Variants in KYAT3 observed in about 807,000 individuals in gnomAD.
KYAT3 encodes the protein kynurenine aminotransferase 3.
In KYAT3, 50 loss-of-function variants were observed where a neutral mutation model predicts 59.0. The observed-to-expected ratio is 0.85, with a 90% CI of 0.68 to 1.07. The LOEUF (loss-of-function observed/expected upper bound fraction) is 1.07. Among genes scored for constraint, KYAT3 ranks in the 50% least tolerant of loss-of-function variants. KYAT3 has a pLI of 0.00. For missense variants in KYAT3, 497 were observed against 533.3 expected, an observed-to-expected ratio of 0.93 and a Z score of 0.67; for synonymous variants, 148 against 177.0, an observed-to-expected ratio of 0.84 and a Z score of 1.30.
At chr1:88,941,939 T>C (rs1460280481) in intron 13 of KYAT3, among the ~76,000 whole-genome samples, 2 of 152,248 alleles carry the variant, frequency 1.3e-5, no homozygotes, top group Non-Finnish European at 2.9e-5. Flanking sequence ...TTGTATTTCA[T>C]TGACCTTTTT....
At chr1:88,947,740 A>T (rs760036175) in intron 11 of KYAT3, among the ~76,000 whole-genome samples, 10 of 152,294 alleles carry the variant, frequency 6.6e-5, no homozygotes, top group East Asian at 1.9e-4. Flanking sequence ...CTTTTCTGAA[A>T]TTTGCTAAGA....
At chr1:88,935,566 T>C (rs1675003774), downstream of KYAT3, among the ~76,000 whole-genome samples, 1 of 152,118 alleles carries the variant, frequency 6.6e-6, no homozygotes, top group Non-Finnish European at 1.5e-5. Context: ...GGTGAGGATG[T>C]CAAAGTATGG....
At chr1:88,954,785 A>T (rs748088045) in intron 9 of KYAT3, among the ~76,000 whole-genome samples, 1 of 152,168 alleles carries the variant, frequency 6.6e-6, no homozygotes, top group African/African-American at 2.4e-5. Flanking sequence ...TTATTTCATT[A>T]TTTTTTTAAA....
chr1:88,949,672 G>A (rs1458704884), intron 10 of KYAT3, among the ~76,000 whole-genome samples: 1 of 152,222 alleles, frequency 6.6e-6, no homozygotes, highest in Non-Finnish European at 1.5e-5. Flanking sequence ...TGGGGACAGA[G>A]TGGAAATGAA....
At chr1:88,986,618 A>G (rs746842814) in intron 2 of KYAT3, among the ~76,000 whole-genome samples, 7 of 152,094 alleles carry the variant, frequency 4.6e-5, no homozygotes, top group Non-Finnish European at 1.5e-5. Context: ...CATTCAAAAC[A>G]TTCTTTAAAA....
downstream of KYAT3, among the ~76,000 whole-genome samples, chr1:88,931,788 G>A (rs926161228): frequency 2.1e-5 from 3 of 144,790 alleles, no homozygotes; most frequent in South Asian, 2.2e-4. Context: ...GACAATGATC[G>A]GGATGTAAAC....
intron 8 of KYAT3, among the ~76,000 whole-genome samples, chr1:88,958,762 G>T (rs6428488): frequency 2.0e-5 from 3 of 152,144 alleles, no homozygotes; most frequent in Non-Finnish European, 2.9e-5. Context: ...CTAATTGTTG[G>T]ATTTCTTTTA....
At chr1:88,930,550 G>T in the KYAT3 span, among the ~76,000 whole-genome samples, 1 of 152,150 alleles carries the variant, frequency 6.6e-6, no homozygotes, top group African/African-American at 2.4e-5. Flanking sequence ...GAAAAGCAGG[G>T]TATGCAGTGG....
At chr1:88,966,564 G>C (rs758258628) in intron 4 of KYAT3, among the ~76,000 whole-genome samples, 1 of 151,886 alleles carries the variant, frequency 6.6e-6, no homozygotes, top group Non-Finnish European at 1.5e-5. Context: ...TTTGTATATT[G>C]GCTTTGTGTC....
chr1:88,954,559 A>G (rs1675824238), intron 9 of KYAT3, among the ~76,000 whole-genome samples: 1 of 152,212 alleles, frequency 6.6e-6, no homozygotes, highest in Non-Finnish European at 1.5e-5. Flanking sequence ...CAGCAATCTG[A>G]ACACTTTTTT....
At chr1:88,928,789 G>A in the KYAT3 span, among the ~76,000 whole-genome samples, 1 of 152,046 alleles carries the variant, frequency 6.6e-6, no homozygotes, top group African/African-American at 2.4e-5. Context: ...CTCCTGTCCC[G>A]GACAACTGTC....
chr1:88,936,571 T>C (rs995470400), intron 13 of KYAT3, among the ~76,000 whole-genome samples: 10 of 152,222 alleles, frequency 6.6e-5, no homozygotes, highest in Non-Finnish European at 1.2e-4. Flanking sequence ...TTAGTTCTAA[T>C]GGCTACCACC....
rs1427352989 is a variant in KYAT3, at chr1:88,961,189, A to G, written c.765T>C (p.Ser255=). Reference sequence around the variant, plus strand: ...TACCTATTTTTAAGTGCTTATTTCCAGAATATACAAGCCATTCATAAACCT... The same window carrying G: ...TACCTATTTTTAAGTGCTTATTTCCGGAATATACAAGCCATTCATAAACCT... ...SDEVYEWLVY[S]GNKHLKIATF... The change falls in exon 8 of 14, where the codon TCT becomes TCC. Residue 255 remains serine (S), a synonymous_variant. Coordinates refer to ENST00000260508, the MANE Select transcript of KYAT3 (RefSeq NM_001008661.3). The G allele has an allele frequency of 6.2e-7, 1 of 1,613,568 alleles. No homozygotes were observed. Among genetic ancestry groups the G allele is most frequent in the Non-Finnish European group, 8.5e-7 (1 of 1,179,834 alleles).
chr1:88,931,918 C>T (rs554935805), downstream of KYAT3, among the ~76,000 whole-genome samples: 122 of 127,414 alleles, frequency 9.6e-4, no homozygotes, highest in African/African-American at 3.2e-3. Context: ...AAGCCATTTC[C>T]TCCCTCTCCC....
chr1:88,938,312 A>AT (rs1675112362), intron 13 of KYAT3, among the ~76,000 whole-genome samples: 2 of 152,132 alleles, frequency 1.3e-5, no homozygotes, highest in Middle Eastern at 3.4e-3. Flanking sequence ...TTCATTATAT[A>AT]TTTTTCCAGA....
At chr1:88,974,536 T>C (rs1189336243) in intron 2 of KYAT3, among the ~76,000 whole-genome samples, 3 of 144,272 alleles carry the variant, frequency 2.1e-5, no homozygotes, top group African/African-American at 7.7e-5. Flanking sequence ...TGCAGTGGCA[T>C]GATCTCGGCT....
At chr1:88,982,685 G>A (rs749709949) in intron 2 of KYAT3, 6 of 1,613,410 alleles carry the variant, frequency 3.7e-6, no homozygotes, top group Non-Finnish European at 5.1e-6. Flanking sequence ...CCCTCTATCA[G>A]ATCGGCTTCC....
chr1:88,962,555 C>G (rs1290668772), intron 5 of KYAT3, among the ~76,000 whole-genome samples: 2 of 152,190 alleles, frequency 1.3e-5, no homozygotes, highest in East Asian at 3.8e-4. Context: ...CAGTGACAGA[C>G]AGCAGGCTAT....
At chr1:88,956,958 TCC>T (rs1675946508) in intron 8 of KYAT3, among the ~76,000 whole-genome samples, 1 of 151,444 alleles carries the variant, frequency 6.6e-6, no homozygotes, top group African/African-American at 2.5e-5. Flanking sequence ...TCTTGTATTG[TCC>T]TTAGAGTGTT....
Sources: gnomAD v4.1 joint callset for allele counts (sites outside exome capture counted in the v4.1 genomes callset) on GRCh38, gnomAD v4.1.1 for gene constraint, MANE v1.5 for transcripts, NCBI Gene and HGNC (gene_info 2026-07-23, HGNC 2026-07-21) for gene names.